Variants in CUX1 observed in about 807,000 individuals in gnomAD.
CUX1 encodes protein CASP.
In CUX1, 31 loss-of-function variants were observed where a neutral mutation model predicts 158.8. The ratio of observed to expected loss-of-function variants is 0.20; its 90% CI spans 0.15 to 0.26. CUX1 has a LOEUF of 0.26. CUX1 is among the 10% of genes least tolerant of loss of function. The pLI is 1.00. For missense variants in CUX1, 1,589 were observed against 2,014.6 expected (o/e 0.79, Z 4.04); for synonymous variants, 879 against 862.1 (o/e 1.02, Z -0.34).
At chr7:102,132,995 C>G (rs1833494694) in intron 8 of CUX1, among the ~76,000 whole-genome samples, 1 of 152,070 alleles carries the variant, frequency 6.6e-6, no homozygotes, top group Non-Finnish European at 1.5e-5. Context: ...GTCTCTTGGT[C>G]TCACTTCAAG....
At chr7:102,090,579 A>G (rs901569938) in intron 4 of CUX1, among the ~76,000 whole-genome samples, 4 of 151,720 alleles carry the variant, frequency 2.6e-5, no homozygotes, top group Non-Finnish European at 5.9e-5. Flanking sequence ...CAGTAGAAAC[A>G]AGGTTTCACT....
At position 102,034,883 on chromosome 7, in the gene CUX1, G is replaced by A. The variant is rs1821241573; in HGVS notation, c.189+6738G>A. On this transcript the variant is annotated intron_variant, in intron 3 of 23. Coordinates refer to ENST00000292535, the MANE Select transcript of CUX1 (RefSeq NM_181552.4). ...CAGGAGGCAGAGGTTACAGTGAGCC[G>A]AGATCGCGCCACCGCACTCTAGCCT... Among the ~76,000 whole-genome samples, 5 of 151,842 alleles carry A rather than the reference G, an allele frequency of 3.3e-5. No homozygotes were observed. In the South Asian group the frequency reaches 1.0e-3, roughly 32 times the overall value.
chr7:102,279,044 A>G (rs1554548530), intron 18 of CUX1, among the ~76,000 whole-genome samples: 1 of 152,028 alleles, frequency 6.6e-6, no homozygotes, highest in Non-Finnish European at 1.5e-5. Context: ...TGCCTCCAAA[A>G]AATAAAAATA....
chr7:102,168,927 TCTTTTA>T (rs1275394234), intron 9 of CUX1, among the ~76,000 whole-genome samples: 3,400 of 106,560 alleles, frequency 0.032, 245 homozygotes, highest in African/African-American at 0.049. Flanking sequence ...TCTTTTCTTT[TCTTTTA>T]TTTTCTTTTT....
At position 101,876,083 on chromosome 7, in the gene CUX1, C is replaced by T. The variant is rs573874325; in HGVS notation, c.31-40032C>T. Among the ~76,000 whole-genome samples, 334 of 151,924 alleles carry T rather than the reference C, an allele frequency of 2.2e-3. 2 individuals are homozygous for T. The highest frequency in any genetic ancestry group is 7.7e-3 in the African/African-American group (318 of 41,462). ...ATTTGTGGCTGGGTGCGGTGGCTCA[C>T]GCCTGTAATCCCAGCACTTTGGGAG... On this transcript the variant is annotated intron_variant, in intron 1 of 23. Coordinates refer to ENST00000292535, the MANE Select transcript of CUX1 (RefSeq NM_181552.4).
At chr7:101,925,205 C>A (rs1019290393) in intron 2 of CUX1, among the ~76,000 whole-genome samples, 2 of 152,144 alleles carry the variant, frequency 1.3e-5, no homozygotes, top group African/African-American at 2.4e-5. Flanking sequence ...GCCTCCCAGG[C>A]TCCAGCAATT....
intron 2 of CUX1, among the ~76,000 whole-genome samples, chr7:102,002,368 G>A (rs554808012): frequency 6.6e-6 from 1 of 152,254 alleles, no homozygotes; most frequent in Admixed American, 6.5e-5. Flanking sequence ...CTTGAGTTCT[G>A]GGCAAGGGGA....
At chr7:101,873,987 A>G (rs1015303549) in intron 1 of CUX1, among the ~76,000 whole-genome samples, 2 of 152,250 alleles carry the variant, frequency 1.3e-5, no homozygotes, top group African/African-American at 4.8e-5. Flanking sequence ...TGCTGAAGTA[A>G]AGAGGCCCAC....
intron 1 of CUX1, among the ~76,000 whole-genome samples, chr7:101,876,332 A>G (rs1799128322): frequency 8.6e-6 from 1 of 116,230 alleles, no homozygotes. Context: ...GCGACAGATT[A>G]AAAAAAAAAC....
chr7:102,262,402 G>GGATGGATGGATGGATGGAT (rs1337090212), downstream of CUX1, among the ~76,000 whole-genome samples: 13 of 148,932 alleles, frequency 8.7e-5, no homozygotes, highest in African/African-American at 3.3e-4. Flanking sequence ...CATCATGGAT[G>GGATGGATGGATGGATGGAT]GATGGATGGA....
rs201527288 is a variant in CUX1, at chr7:102,229,325, T to C, written c.3433+1656T>C. On this transcript the variant is annotated intron_variant, in intron 21 of 23. Coordinates refer to ENST00000292535, the MANE Select transcript of CUX1 (RefSeq NM_181552.4). Reference sequence around the variant, plus strand: ...ATCTTTTTTTTTTTTTTTTTTGAGATGGAGCCTCACTCTGTCGCCCAGGCT... The same window carrying C: ...ATCTTTTTTTTTTTTTTTTTTGAGACGGAGCCTCACTCTGTCGCCCAGGCT... 5.6e-5 allele frequency among the ~76,000 whole-genome samples: 8 copies of C among 144,058 alleles called. No individual in the cohort carries two copies. In the East Asian group the frequency reaches 1.2e-3, roughly 22 times the overall value. The allele number at this position is 144,058 out of a possible 152,430, so 94.5% of individuals were successfully genotyped here. A position where few individuals can be genotyped will look rare whatever the true frequency, so the allele number is the denominator to read the frequency against.
intron 3 of CUX1, among the ~76,000 whole-genome samples, chr7:102,057,597 G>A (rs972069085): frequency 2.1e-4 from 32 of 152,148 alleles, no homozygotes; most frequent in Non-Finnish European, 4.7e-4. Flanking sequence ...TTCAGTGGAG[G>A]AAGGAACTGC....
Position 102,201,300 on chromosome 7 carries a change from G to A in CUX1, c.2063-60G>A. On this transcript the variant is annotated intron_variant, in intron 17 of 23. Transcript: ENST00000292535. The surrounding 1 kb of genome is among the most constrained non-coding windows in gnomAD (Gnocchi z 5.0). ...GCAGTAGGTCAAGTTAGGATGAGAA[G>A]CATGTCCCCAGCTGAAGGGGGCCGC... is the stretch of plus-strand genomic sequence containing the variant. The A allele has an allele frequency of 1.3e-6, 2 of 1,572,332 alleles. No individual in the cohort carries two copies. Among genetic ancestry groups the A allele is most frequent in the Non-Finnish European group, 1.7e-6 (2 of 1,158,904 alleles).
intron 2 of CUX1, among the ~76,000 whole-genome samples, chr7:101,956,712 C>A (rs935608960): frequency 6.6e-6 from 1 of 152,130 alleles, no homozygotes; most frequent in South Asian, 2.1e-4. Context: ...TTTGGGAGGC[C>A]GAAGCGGGCA....
chr7:102,084,992 A>T (rs201433), intron 4 of CUX1, among the ~76,000 whole-genome samples: 18,966 of 151,158 alleles, frequency 0.13, 1,563 homozygotes, highest in Middle Eastern at 0.2. Flanking sequence ...TAAGTATAAT[A>T]TCAACTGTAG....
At chr7:101,997,315 T>C (rs1816064450) in intron 2 of CUX1, among the ~76,000 whole-genome samples, 1 of 152,210 alleles carries the variant, frequency 6.6e-6, no homozygotes, top group Admixed American at 6.5e-5. Flanking sequence ...ATAACTTTTC[T>C]TTTGGTTTGT....
chr7:101,913,470 C>G (rs1380379939), intron 1 of CUX1: 1 of 1,146,786 alleles, frequency 8.7e-7, no homozygotes, highest in East Asian at 6.5e-5. Flanking sequence ...CCACCTGTTT[C>G]AGTTTCCTCC....
chr7:102,176,368 CTG>C (rs1172806302), intron 10 of CUX1, among the ~76,000 whole-genome samples: 1 of 152,114 alleles, frequency 6.6e-6, no homozygotes, highest in East Asian at 1.9e-4. Flanking sequence ...GGACGTGAAA[CTG>C]AGCACTTCAG....
At chr7:101,816,186 G>T (rs868087652), upstream of CUX1, 20 of 493,392 alleles carry the variant, frequency 4.1e-5, no homozygotes, top group South Asian at 8.3e-5. Context: ...CCCAGCCGCC[G>T]GGGGGCCCGC....
Sources: gnomAD v4.1 joint callset for allele counts (sites outside exome capture counted in the v4.1 genomes callset) on GRCh38, gnomAD v4.1.1 for gene constraint, Gnocchi (gnomAD v3.1) non-coding constraint, MANE v1.5 for transcripts, NCBI Gene and HGNC (gene_info 2026-07-23, HGNC 2026-07-21) for gene names.